The following EMID1 variants were observed in gnomAD, a reference collection of about 807,000 sequenced individuals.
EMID1 encodes EMI domain containing 1.
Under a neutral mutation model 60.6 loss-of-function variants are expected in EMID1, and 40 were observed. The observed-to-expected ratio is 0.66, with a 90% CI of 0.51 to 0.86. The LOEUF is 0.86. EMID1 is among the 40% of genes least tolerant of loss of function. The probability of loss-of-function intolerance (pLI) is 0.00; values close to 1 mark genes in which losing one functional copy is unlikely to be tolerated. For missense variants in EMID1, 585 were observed against 597.1 expected (o/e 0.98, Z 0.21); for synonymous variants, 242 against 231.0 (o/e 1.05, Z -0.43).
At chr22:29,208,286 G>C (rs132371) in intron 1 of EMID1, among the ~76,000 whole-genome samples, 108,959 of 152,102 alleles carry the variant, frequency 0.72, 42,242 homozygotes, top group Non-Finnish European at 0.87. Flanking sequence ...GCTTTGTCCT[G>C]GGGAGGGGGT....
chr22:29,233,461 G>A lies in EMID1; in HGVS notation c.906G>A (p.Gly302=). ...CCACTGGGCCTCCAGGCCCTCCAGG[G>A]CCCATGGGTAAGTTGAGTCCAGGCC... The part of the protein sequence containing the change: ...QGPTGPPGPP[G]PMGPPGPPGP... Residue 302 remains glycine (G), a synonymous_variant, in exon 9 of 15, where the codon GGG becomes GGA. Coordinates refer to ENST00000334018, the MANE Select transcript of EMID1 (RefSeq NM_133455.4). 1 of 1,614,130 alleles carries A rather than the reference G, an allele frequency of 6.2e-7. No individual in the cohort carries two copies. The highest frequency in any genetic ancestry group is 8.5e-7 in the Non-Finnish European group (1 of 1,179,964).
chr22:29,220,974 G>GCT (rs2040268776), intron 3 of EMID1, among the ~76,000 whole-genome samples: 2 of 152,122 alleles, frequency 1.3e-5, no homozygotes, highest in African/African-American at 4.8e-5. Context: ...CTTTGACACT[G>GCT]GGAGGTGTAC....
chr22:29,216,316 C>A, intron 3 of EMID1: 1 of 985,446 alleles, frequency 1.0e-6, no homozygotes, highest in Non-Finnish European at 1.2e-6. Flanking sequence ...CCTCTCCTCT[C>A]CTCCAGGCAC....
chr22:29,258,930 G>A lies in EMID1; in HGVS notation c.1318G>A (p.Asp440Asn). ...NYRIVAPRSRDERG is the reference protein window; with the variant it reads ...NYRIVAPRSRNERG The stretch of plus-strand genomic sequence containing the variant: ...CCGGATCGTGGCCCCCAGGAGCCGG[G>A]ACGAGAGAGGCTGAGGGTGGTGGCG... Residue 440 changes from aspartate (D) to asparagine (N), a missense_variant, in exon 15 of 15, where the codon GAC becomes AAC. Transcript: ENST00000334018. 1.2e-6 allele frequency: 2 copies of A among 1,612,810 alleles called. No individual in the cohort carries two copies. Among genetic ancestry groups the A allele is most frequent in the South Asian group, 1.1e-5 (1 of 91,036 alleles).
At chr22:29,255,031 CCTCA>C (rs3066721) in intron 14 of EMID1, among the ~76,000 whole-genome samples, 98,496 of 151,584 alleles carry the variant, frequency 0.65, 32,491 homozygotes, top group Non-Finnish European at 0.69. Flanking sequence ...AGAGCCAGGC[CCTCA>C]CTCACCCCAG....
intron 1 of EMID1, among the ~76,000 whole-genome samples, chr22:29,211,701 T>A (rs2039890450): frequency 6.6e-6 from 1 of 152,258 alleles, no homozygotes; most frequent in Non-Finnish European, 1.5e-5. Flanking sequence ...ATCTGCTCAC[T>A]GGCATAGTGT....
At chr22:29,222,338 C>T (rs764822546) in intron 3 of EMID1, among the ~76,000 whole-genome samples, 6 of 151,794 alleles carry the variant, frequency 4.0e-5, no homozygotes, top group Non-Finnish European at 8.8e-5. Flanking sequence ...AAGCAATCTG[C>T]CCACTTCAGC....
At chr22:29,223,297 A>G (rs1052888099) in intron 3 of EMID1, among the ~76,000 whole-genome samples, 1 of 152,212 alleles carries the variant, frequency 6.6e-6, no homozygotes, top group African/African-American at 2.4e-5. Context: ...AAAAAAAGAA[A>G]ACAACAGCAG....
intron 12 of EMID1, among the ~76,000 whole-genome samples, chr22:29,240,348 T>C (rs1297559412): frequency 2.0e-5 from 3 of 152,116 alleles, no homozygotes; most frequent in Non-Finnish European, 2.9e-5. Context: ...AAGCTGAGTG[T>C]TGGGAGGGAA....
intron 12 of EMID1, among the ~76,000 whole-genome samples, chr22:29,241,780 C>A (rs1365583956): frequency 7.4e-6 from 1 of 134,864 alleles, no homozygotes; most frequent in Non-Finnish European, 1.7e-5. Flanking sequence ...AAAAGGTCAA[C>A]ATTTCCCCAA....
intron 3 of EMID1, among the ~76,000 whole-genome samples, chr22:29,220,872 A>T (rs925967703): frequency 1.3e-5 from 2 of 152,138 alleles, no homozygotes; most frequent in African/African-American, 2.4e-5. Flanking sequence ...AGAGCTGCTT[A>T]TGGGGCCCAG....
At chr22:29,225,452 G>C (rs2040468862) in intron 4 of EMID1, among the ~76,000 whole-genome samples, 1 of 152,178 alleles carries the variant, frequency 6.6e-6, no homozygotes, top group African/African-American at 2.4e-5. Context: ...CATGACCCCT[G>C]GACTCTTGCA....
Position 29,231,374 on chromosome 22 carries a change from G to C in EMID1, c.587-219G>C, listed in dbSNP as rs1200351311. On this transcript the variant is annotated intron_variant, in intron 6 of 14. Coordinates refer to ENST00000334018, the MANE Select transcript of EMID1 (RefSeq NM_133455.4). ...GCAGACCCTGCCTGGAGGTCGGGGG[G>C]AGCTGGGAGTGGGGATTCTGGATGA... 5 of 822,978 alleles carry C rather than the reference G, an allele frequency of 6.1e-6. No individual in the cohort carries two copies. In the East Asian group the frequency reaches 8.0e-5, roughly 13 times the overall value. 51.0% of individuals were successfully genotyped at this position (822,978 alleles called of 1,614,324 possible).
chr22:29,259,049 G>T lies in EMID1; in HGVS notation c.*105G>T. ...CCGTCCATATTTATTAATGTCCTCAGGGTCCCTTCTGCCATCTAGGCCTTA... is the reference window on the plus strand; with the variant it reads ...CCGTCCATATTTATTAATGTCCTCATGGTCCCTTCTGCCATCTAGGCCTTA... On this transcript the variant is annotated 3_prime_UTR_variant, in exon 15 of 15. Coordinates refer to ENST00000334018, the MANE Select transcript of EMID1 (RefSeq NM_133455.4). 6.6e-7 allele frequency: 1 copy of T among 1,504,314 alleles called. No individual in the cohort carries two copies. The highest frequency in any genetic ancestry group is 8.9e-7 in the Non-Finnish European group (1 of 1,124,522). The allele number at this position is 1,504,314 out of a possible 1,614,324, so 93.2% of individuals were successfully genotyped here.
At chr22:29,258,561 G>C (rs960293026) in intron 14 of EMID1, among the ~76,000 whole-genome samples, 1 of 152,208 alleles carries the variant, frequency 6.6e-6, no homozygotes, top group Non-Finnish European at 1.5e-5. Flanking sequence ...AAGGAGGTGG[G>C]TGTGGTTATC....
chr22:29,229,738 G>A (rs1014663085), intron 5 of EMID1, among the ~76,000 whole-genome samples: 6 of 152,196 alleles, frequency 3.9e-5, no homozygotes, highest in African/African-American at 1.4e-4. Context: ...CAAGGCACGG[G>A]GTTCCAGGAG....
intron 7 of EMID1, 140 bp from the exon 8 acceptor site, chr22:29,232,116 A>C: frequency 1.1e-6 from 1 of 880,334 alleles, no homozygotes; most frequent in Admixed American, 2.3e-5. Context: ...CCCCTGTTAG[A>C]CTACCAGGCA....
chr22:29,254,475 C>T, intron 14 of EMID1, 188 bp downstream of exon 14: 1 of 591,830 alleles, frequency 1.7e-6, no homozygotes, highest in Admixed American at 2.8e-5. Context: ...TCCACGGGTG[C>T]AGGGGTGCCC....
intron 1 of EMID1, among the ~76,000 whole-genome samples, chr22:29,213,437 G>C (rs1473390391): frequency 2.0e-5 from 3 of 152,182 alleles, no homozygotes; most frequent in Admixed American, 2.0e-4. Flanking sequence ...CTGTACCTAG[G>C]TTGTTTCCTC....
Sources: allele counts gnomAD v4.1 joint callset (sites outside exome capture counted in the v4.1 genomes callset), GRCh38; gene constraint gnomAD v4.1.1; transcripts MANE v1.5; gene names NCBI Gene and HGNC (gene_info 2026-07-23, HGNC 2026-07-21).